C19orf18: variants seen among roughly 807,000 people sequenced by gnomAD.
The protein encoded by C19orf18 is chromosome 19 open reading frame 18, also known as uncharacterized protein C19orf18.
C19orf18 carries 21 observed loss-of-function variants against 23.3 expected under a neutral mutation model. That is an observed-to-expected ratio of 0.90 (90% CI 0.64 to 1.30). The LOEUF is 1.30. Ranked by LOEUF, C19orf18 falls within the 50% of genes most tolerant of loss-of-function variation. The pLI is 0.00. For synonymous variants in C19orf18, 96 were observed against 95.2 expected (o/e 1.01, Z -0.05); for missense variants, 249 against 259.6 (o/e 0.96, Z 0.28).
At chr19:57,964,150 A>G (rs1049250755) in intron 4 of C19orf18, among the ~76,000 whole-genome samples, 1 of 152,224 alleles carries the variant, frequency 6.6e-6, no homozygotes, top group African/African-American at 2.4e-5. Context: ...TGTGAAAACA[A>G]TAAGAATTGA....
intron 5 of C19orf18, among the ~76,000 whole-genome samples, chr19:57,960,927 C>G (rs537006762): frequency 6.6e-6 from 1 of 152,264 alleles, no homozygotes; most frequent in Non-Finnish European, 1.5e-5. Context: ...CGCCTGTAAT[C>G]CCAGCACTTT....
In C19orf18 at chr19:57,962,474, C is replaced by A. The variant is rs2072880221; in HGVS notation, c.372-923G>T. 2.0e-5 allele frequency among the ~76,000 whole-genome samples: 3 copies of A among 152,176 alleles called. No homozygotes were observed. The South Asian group carries it at 6.2e-4, about 32-fold the overall frequency. ...CCAATCCTGGAAGTGGATCACTGAA[C>A]AGCTATTTCTGTTTGGTGTGGAAAT... On this transcript the variant is annotated intron_variant, in intron 4 of 5. Transcript: ENST00000314391.
chr19:57,972,652 C>CA, intron 2 of C19orf18, 148 bp from the exon 3 acceptor site: 3 of 845,546 alleles, frequency 3.5e-6, no homozygotes, highest in Non-Finnish European at 5.5e-6. Context: ...TAATACATTC[C>CA]TCCCAATGCC....
chr19:57,962,055 G>A (rs965007787), intron 4 of C19orf18, among the ~76,000 whole-genome samples: 3 of 148,302 alleles, frequency 2.0e-5, no homozygotes, highest in African/African-American at 7.5e-5. Context: ...TTTGGAACAG[G>A]GTCTCATTCT....
intron 3 of C19orf18, among the ~76,000 whole-genome samples, chr19:57,966,913 G>A (rs1008674659): frequency 7.2e-5 from 11 of 152,064 alleles, no homozygotes; most frequent in Non-Finnish European, 1.2e-4. Flanking sequence ...TGGCACTACA[G>A]GCATGCGCCA....
chr19:57,972,251 C>T (rs1004644022), intron 3 of C19orf18, among the ~76,000 whole-genome samples: 1 of 152,240 alleles, frequency 6.6e-6, no homozygotes, highest in Non-Finnish European at 1.5e-5. Context: ...CTACTCACTA[C>T]AACATCAGCC....
At chr19:57,959,938 G>A (rs778303683) in intron 5 of C19orf18, among the ~76,000 whole-genome samples, 3 of 151,142 alleles carry the variant, frequency 2.0e-5, no homozygotes, top group African/African-American at 2.4e-5. Flanking sequence ...GTGAAACTCC[G>A]TCTCTACTAA....
chr19:57,972,377 A>G, intron 3 of C19orf18, 86 bp downstream of exon 3: 1 of 1,500,958 alleles, frequency 6.7e-7, no homozygotes, highest in Non-Finnish European at 9.1e-7. Flanking sequence ...CTCCTTGGTG[A>G]CCAGCCAGCA....
In C19orf18 at chr19:57,972,521, G is replaced by A. The variant is rs2072952025; in HGVS notation, c.227-17C>T. The A allele has an allele frequency of 4.3e-6, 7 of 1,613,472 alleles. No homozygotes were observed. Among genetic ancestry groups the A allele is most frequent in the Admixed American group, 1.7e-5 (1 of 59,888 alleles). The stretch of plus-strand genomic sequence containing the variant: ...GGGATGCAGCTAAAAGGCCATCAAA[G>A]GGGATCAAAAAGAAGAGACTTTAAG... On this transcript the variant is annotated splice_polypyrimidine_tract_variant and intron_variant, in intron 2 of 5. Coordinates refer to ENST00000314391, the MANE Select transcript of C19orf18 (RefSeq NM_152474.5).
At chr19:57,969,582 A>AAAAAAAAAAAAAAC (rs2072931487) in intron 3 of C19orf18, among the ~76,000 whole-genome samples, 1 of 148,128 alleles carries the variant, frequency 6.8e-6, no homozygotes, top group East Asian at 2.0e-4. Flanking sequence ...AAAAAAAAAA[A>AAAAAAAAAAAAAAC]AAAAAAAAAA....
chr19:57,969,566 G>GAAAAAAAAAAATAAAAAAAAAAAA (rs2072930185), intron 3 of C19orf18, among the ~76,000 whole-genome samples: 1 of 46,498 alleles, frequency 2.2e-5, no homozygotes, highest in African/African-American at 9.5e-5. Flanking sequence ...AAAAAAAACA[G>GAAAAAAAAAAATAAAAAAAAAAAA]AAAAAAAAAA....
chr19:57,965,814 G>C (rs750862362), intron 4 of C19orf18, among the ~76,000 whole-genome samples: 3 of 152,010 alleles, frequency 2.0e-5, no homozygotes, highest in Non-Finnish European at 4.4e-5. Flanking sequence ...GAGGATGCTA[G>C]CATCTCAAAC....
At chr19:57,965,196 G>A (rs917160434) in intron 4 of C19orf18, among the ~76,000 whole-genome samples, 7 of 151,768 alleles carry the variant, frequency 4.6e-5, no homozygotes, top group Admixed American at 1.3e-4. Flanking sequence ...TTGCAATGGC[G>A]TGATCTCTGC....
At position 57,968,250 on chromosome 19, in the gene C19orf18, G is replaced by A. The variant is rs79510716; in HGVS notation, c.269-1618C>T. Among the ~76,000 whole-genome samples the A allele has an allele frequency of 3.9e-3, 597 of 152,300 alleles. 3 individuals carry two copies. The highest frequency in any genetic ancestry group is 6.6e-3 in the Non-Finnish European group (450 of 68,030). On this transcript the variant is annotated intron_variant, in intron 3 of 5. Coordinates refer to ENST00000314391, the MANE Select transcript of C19orf18 (RefSeq NM_152474.5). ...CCAGTCATGGGGGTTCCACCCTCAAGACCGCATCACCTCCTAAAGGCCCCA... is the reference window on the plus strand; with the variant it reads ...CCAGTCATGGGGGTTCCACCCTCAAAACCGCATCACCTCCTAAAGGCCCCA...
At chr19:57,973,758 C>G (rs2072963367) in intron 2 of C19orf18, among the ~76,000 whole-genome samples, 1 of 151,480 alleles carries the variant, frequency 6.6e-6, no homozygotes, top group Admixed American at 6.6e-5. Context: ...GAATTCTGTA[C>G]ACTCACAAAC....
intron 4 of C19orf18, among the ~76,000 whole-genome samples, chr19:57,965,399 T>G (rs2072901565): frequency 2.6e-5 from 4 of 152,054 alleles, no homozygotes; most frequent in Non-Finnish European, 2.9e-5. Flanking sequence ...CCTCCCAGAG[T>G]GCTGGGATTA....
At chr19:57,972,307 C>T (rs571582974) in intron 3 of C19orf18, among the ~76,000 whole-genome samples, 156 bp downstream of exon 3, 1 of 152,354 alleles carries the variant, frequency 6.6e-6, no homozygotes, top group South Asian at 2.1e-4. Flanking sequence ...GGTGTCACTG[C>T]GCATCCCCCT....
At chr19:57,964,573 C>A (rs2072895807) in intron 4 of C19orf18, among the ~76,000 whole-genome samples, 1 of 152,174 alleles carries the variant, frequency 6.6e-6, no homozygotes. Flanking sequence ...TGAGCCAATG[C>A]CCCCGGCCTA....
At chr19:57,963,022 TCAA>T (rs2072884027) in intron 4 of C19orf18, among the ~76,000 whole-genome samples, 1 of 139,004 alleles carries the variant, frequency 7.2e-6, no homozygotes, top group Admixed American at 7.1e-5. Context: ...GTATTTTAAC[TCAA>T]TTTTTTTTTT....
Sources: allele counts gnomAD v4.1 joint callset (sites outside exome capture counted in the v4.1 genomes callset), GRCh38; gene constraint gnomAD v4.1.1; transcripts MANE v1.5; gene names NCBI Gene and HGNC (gene_info 2026-07-23, HGNC 2026-07-21).